Variants in TOP1MT observed in about 807,000 individuals in gnomAD.
The protein encoded by TOP1MT is DNA topoisomerase I, mitochondrial.
In TOP1MT, 80 loss-of-function variants were observed where a neutral mutation model predicts 73.9. The observed-to-expected ratio is 1.08, with a 90% CI of 0.90 to 1.30. TOP1MT has a LOEUF of 1.30. Among genes scored for constraint, TOP1MT ranks in the 50% most tolerant of loss-of-function variants. TOP1MT has a pLI of 0.00. For synonymous variants in TOP1MT, 338 were observed against 326.4 expected, an observed-to-expected ratio of 1.04 and a Z score of -0.38; for missense variants, 815 against 808.0, an observed-to-expected ratio of 1.01 and a Z score of -0.10.
chr8:143,321,943 C>A (rs865901895), intron 7 of TOP1MT, among the ~76,000 whole-genome samples: 1 of 52,990 alleles, frequency 1.9e-5, no homozygotes, highest in African/African-American at 4.4e-5. Context: ...CACACACGCA[C>A]GCCACACACG....
rs781677336 is a variant in TOP1MT at position 143,326,373 on chromosome 8, CCAT to C, written c.361-32_361-30del. ...CAAAAACCACAGACACGCGCTCTCA[CCAT>C]GTCTGAAGGACAGACATGCAGAGCG... is the stretch of plus-strand genomic sequence containing the variant. On this transcript the variant is annotated intron_variant, in intron 3 of 13. Transcript: ENST00000329245. The C allele has an allele frequency of 2.0e-5, 32 of 1,613,298 alleles. No individual in the cohort carries two copies. In the Admixed American group the frequency reaches 3.8e-4, roughly 19 times the overall value.
upstream of TOP1MT, among the ~76,000 whole-genome samples, chr8:143,338,045 C>T (rs1817012669): frequency 1.3e-5 from 2 of 152,128 alleles, 1 homozygote; most frequent in South Asian, 4.1e-4. Context: ...CTCGGGGAGC[C>T]CGGATCTTGA....
intron 10 of TOP1MT, 21 bp from the exon 11 acceptor site, chr8:143,316,147 G>C: frequency 6.2e-7 from 1 of 1,613,926 alleles, no homozygotes; most frequent in Non-Finnish European, 8.5e-7. Flanking sequence ...CGGGCTGTCA[G>C]AGGCAGCACC....
chr8:143,309,346 C>T lies in TOP1MT; in HGVS notation c.*95G>A. 2 of 1,369,320 alleles carry T rather than the reference C, an allele frequency of 1.5e-6. No homozygotes were observed. The highest frequency in any genetic ancestry group is 2.0e-6 in the Non-Finnish European group (2 of 992,216). The allele number at this position is 1,369,320 out of a possible 1,614,324, so 84.8% of individuals were successfully genotyped here. On this transcript the variant is annotated 3_prime_UTR_variant, in exon 14 of 14. Coordinates refer to ENST00000329245, the MANE Select transcript of TOP1MT (RefSeq NM_052963.3). ...GACTTTTTCTAGTGATGTACAAGCA[C>T]TTGCACACATTTTATTGTACAAAAT...
At chr8:143,315,231 A>G (rs996097570) in intron 12 of TOP1MT, among the ~76,000 whole-genome samples, 1 of 152,188 alleles carries the variant, frequency 6.6e-6, no homozygotes. Context: ...GCTGTGCTTC[A>G]GTGGTCATGC....
At position 143,332,756 on chromosome 8, in the gene TOP1MT, G is replaced by T. The variant is rs775142659; in HGVS notation, c.123-1417C>A. 59 of 385,986 alleles carry T rather than the reference G, an allele frequency of 1.5e-4. 1 individual carries two copies. Among genetic ancestry groups the T allele is most frequent in the Non-Finnish European group, 2.6e-4 (53 of 200,438 alleles). The allele number at this position is 385,986 out of a possible 1,614,324, so 23.9% of individuals were successfully genotyped here. A position where few individuals can be genotyped will look rare whatever the true frequency, so the allele number is the denominator to read the frequency against. Reference sequence around the variant, plus strand: ...TCAAGAACCTTCCAGGGTGGAGCCGGGCGTGGTGGCTCACGCCTGTGATCC... The same window carrying T: ...TCAAGAACCTTCCAGGGTGGAGCCGTGCGTGGTGGCTCACGCCTGTGATCC... On this transcript the variant is annotated intron_variant, in intron 1 of 13. Transcript: ENST00000329245.
chr8:143,317,295 C>G (rs1816194532), intron 10 of TOP1MT, among the ~76,000 whole-genome samples: 2 of 152,166 alleles, frequency 1.3e-5, no homozygotes, highest in South Asian at 4.1e-4. Flanking sequence ...GGACAAAGAG[C>G]AGAGGGCCCT....
intron 1 of TOP1MT, among the ~76,000 whole-genome samples, chr8:143,351,331 G>C (rs1350836389): frequency 6.6e-6 from 1 of 152,202 alleles, no homozygotes; most frequent in Admixed American, 6.5e-5. Context: ...CCAGCACTTT[G>C]GGAGGCCAAG....
At chr8:143,349,625 A>C (rs1436071677), upstream of TOP1MT, among the ~76,000 whole-genome samples, 1 of 142,306 alleles carries the variant, frequency 7.0e-6, no homozygotes, top group Non-Finnish European at 1.5e-5. Context: ...TTTTGTTTAG[A>C]GATTCATCTG....
intron 7 of TOP1MT, among the ~76,000 whole-genome samples, chr8:143,322,109 C>G (rs1816435736): frequency 8.2e-6 from 1 of 121,764 alleles, no homozygotes; most frequent in African/African-American, 3.2e-5. Flanking sequence ...GCACGCCACA[C>G]ATGCACGCCA....
intron 12 of TOP1MT, among the ~76,000 whole-genome samples, chr8:143,310,823 C>T (rs1277871957): frequency 6.6e-6 from 1 of 152,248 alleles, no homozygotes; most frequent in African/African-American, 2.4e-5. Flanking sequence ...AAGTGCCTTC[C>T]CAGCATGAGC....
Position 143,332,663 on chromosome 8 carries a change from G to C in TOP1MT, c.123-1324C>G, listed in dbSNP as rs755947192. 5 of 965,312 alleles carry C rather than the reference G, an allele frequency of 5.2e-6. No individual in the cohort carries two copies. In the South Asian group the frequency reaches 5.4e-5, roughly 10 times the overall value. 59.8% of individuals were successfully genotyped at this position (965,312 alleles called of 1,614,324 possible). A position where few individuals can be genotyped will look rare whatever the true frequency, so the allele number is the denominator to read the frequency against. On this transcript the variant is annotated intron_variant, in intron 1 of 13. Transcript: ENST00000329245. Reference sequence around the variant, plus strand: ...AAGGGCCTTTCTGGCTGTTTCTGCAGAGGAGGGAATGGGCAAGGTTAGAAG... The same window carrying C: ...AAGGGCCTTTCTGGCTGTTTCTGCACAGGAGGGAATGGGCAAGGTTAGAAG...
At chr8:143,325,667 A>C in intron 4 of TOP1MT, 134 bp from the exon 5 acceptor site, 9 of 824,614 alleles carry the variant, frequency 1.1e-5, no homozygotes, top group Non-Finnish European at 1.7e-5. Context: ...TTCACAATCC[A>C]TGGAGGTTGC....
At chr8:143,313,055 T>C (rs2129864722) in intron 12 of TOP1MT, among the ~76,000 whole-genome samples, 1 of 152,264 alleles carries the variant, frequency 6.6e-6, no homozygotes, top group Middle Eastern at 3.4e-3. Flanking sequence ...GCTGTCCACA[T>C]GCAAGAGAAT....
At chr8:143,343,431 A>G in intron 1 of TOP1MT, 1 of 355,386 alleles carries the variant, frequency 2.8e-6, no homozygotes, top group African/African-American at 2.1e-5. Context: ...ACACCTGGCA[A>G]AGCTGCTGGT....
At chr8:143,310,568 C>T (rs905227825) in intron 12 of TOP1MT, 5 of 189,468 alleles carry the variant, frequency 2.6e-5, no homozygotes, top group East Asian at 1.4e-4. Context: ...CTTTAACCTC[C>T]GGGAAGCCGC....
intron 1 of TOP1MT, among the ~76,000 whole-genome samples, chr8:143,355,730 GC>G (rs1817396665): frequency 6.6e-6 from 1 of 151,900 alleles, no homozygotes; most frequent in Non-Finnish European, 1.5e-5. Context: ...CCGGACCTCT[GC>G]ACCTGTCAGA....
At chr8:143,332,812 G>A (rs1251859459) in intron 1 of TOP1MT, among the ~76,000 whole-genome samples, 1 of 151,620 alleles carries the variant, frequency 6.6e-6, no homozygotes, top group Admixed American at 6.6e-5. Flanking sequence ...GCAGGCTCAG[G>A]AGCTCAAGGC....
In TOP1MT at chr8:143,333,582, G is replaced by A. The variant is rs140421270; in HGVS notation, c.122+1158C>T. ...AGACACTGAGGTGAAACAACCTGCC[G>A]GCCAGCGGCCAGGCAGGGCTGCACC... On this transcript the variant is annotated intron_variant, in intron 1 of 13. Transcript: ENST00000329245. Among the ~76,000 whole-genome samples, 1,133 of 152,330 alleles carry A rather than the reference G, an allele frequency of 7.4e-3. 6 individuals are homozygous for A. The highest frequency in any genetic ancestry group is 0.012 in the Non-Finnish European group (835 of 68,028).
Sources: gnomAD v4.1 joint callset for allele counts (sites outside exome capture counted in the v4.1 genomes callset) on GRCh38, gnomAD v4.1.1 for gene constraint, MANE v1.5 for transcripts, NCBI Gene and HGNC (gene_info 2026-07-23, HGNC 2026-07-21) for gene names.